NCK2: variants seen among roughly 807,000 people sequenced by gnomAD.
The protein encoded by NCK2 is cytoplasmic protein NCK2.
NCK2 carries 16 observed loss-of-function variants against 33.9 expected under a neutral mutation model. The observed-to-expected ratio is 0.47, with a 90% CI of 0.32 to 0.72. The LOEUF is 0.72. Among genes scored for constraint, NCK2 ranks in the 30% least tolerant of loss-of-function variants. The pLI is 0.03. For missense variants in NCK2, 418 were observed against 537.3 expected (o/e 0.78, Z 2.19); for synonymous variants, 273 against 239.9 (o/e 1.14, Z -1.27).
intron 3 of NCK2, among the ~76,000 whole-genome samples, chr2:105,877,051 G>A (rs1558882624): frequency 6.6e-6 from 1 of 152,162 alleles, no homozygotes; most frequent in Non-Finnish European, 1.5e-5. Flanking sequence ...CCAGGCAAGA[G>A]GAGAAGGACA....
At chr2:105,891,382 T>C (rs935450461) in intron 4 of NCK2, among the ~76,000 whole-genome samples, 1 of 152,158 alleles carries the variant, frequency 6.6e-6, no homozygotes, top group African/African-American at 2.4e-5. Flanking sequence ...CACACACATG[T>C]ATCCAGGGCA....
chr2:105,762,258 C>G (rs968318849), intron 1 of NCK2, among the ~76,000 whole-genome samples: 1 of 152,104 alleles, frequency 6.6e-6, no homozygotes, highest in African/African-American at 2.4e-5. Flanking sequence ...GAGGCCTTGC[C>G]GAGGAAACAG....
intron 3 of NCK2, among the ~76,000 whole-genome samples, chr2:105,864,055 G>A (rs564245841): frequency 5.3e-5 from 8 of 152,246 alleles, no homozygotes; most frequent in African/African-American, 1.2e-4. Flanking sequence ...GAAGGCCATC[G>A]GCGAGCCAGC....
chr2:105,832,547 G>A lies in NCK2; in HGVS notation c.-17+15934G>A, dbSNP rs1045004559. ...ATCAAAATGGTTTTCTACATTTATC[G>A]AGATGATCATATGGTTTTTGTTCTT... is the stretch of plus-strand genomic sequence containing the variant. On this transcript the variant is annotated intron_variant, in intron 2 of 4. Coordinates refer to ENST00000233154, the MANE Select transcript of NCK2 (RefSeq NM_003581.5). Among the ~76,000 whole-genome samples the A allele has an allele frequency of 6.6e-5, 10 of 152,266 alleles. No homozygotes were observed. The South Asian group carries it at 8.3e-4, about 13-fold the overall frequency.
At chr2:105,866,855 T>C (rs1677785536) in intron 3 of NCK2, among the ~76,000 whole-genome samples, 2 of 152,202 alleles carry the variant, frequency 1.3e-5, no homozygotes, top group African/African-American at 4.8e-5. Flanking sequence ...TATATATGCT[T>C]CCTGGGTGTT....
At chr2:105,799,797 A>G (rs550165777) in intron 1 of NCK2, among the ~76,000 whole-genome samples, 16 of 152,274 alleles carry the variant, frequency 1.1e-4, no homozygotes, top group African/African-American at 3.6e-4. Flanking sequence ...TCAAGAAGCC[A>G]TTGGTCCTTA....
At chr2:105,744,863 G>GCTCGCCGCCGCC (rs1689208832), upstream of NCK2, 1 of 117,594 alleles carries the variant, frequency 8.5e-6, no homozygotes, top group Non-Finnish European at 1.8e-5. Flanking sequence ...GCCGGGGGAG[G>GCTCGCCGCCGCC]GTCGCCGCCG....
In NCK2 at chr2:105,880,358, A is replaced by G. The variant is rs1363986601; in HGVS notation, c.227-970A>G. ...TGCCTTCGATTGAAGGTATCAGCTA[A>G]GTTTTCCTAATGCACTCATCACAAT... is the stretch of plus-strand genomic sequence containing the variant. On this transcript the variant is annotated intron_variant, in intron 3 of 4. Coordinates refer to ENST00000233154, the MANE Select transcript of NCK2 (RefSeq NM_003581.5). Among the ~76,000 whole-genome samples the G allele has an allele frequency of 2.0e-5, 3 of 152,204 alleles. No homozygotes were observed. The East Asian group carries it at 5.8e-4, about 29-fold the overall frequency.
At chr2:105,892,888 G>C (rs1679047394) in intron 4 of NCK2, 94 bp from the exon 5 acceptor site, 4 of 1,023,804 alleles carry the variant, frequency 3.9e-6, no homozygotes, top group Admixed American at 2.3e-5. Context: ...TGAGCAATGG[G>C]TGGTTTGGAT....
chr2:105,829,799 A>G (rs996691954), intron 2 of NCK2, among the ~76,000 whole-genome samples: 1 of 152,050 alleles, frequency 6.6e-6, no homozygotes, highest in African/African-American at 2.4e-5. Context: ...TGCACCCCAT[A>G]GTTAAGGGAG....
At chr2:105,810,918 G>A (rs145456368) in intron 1 of NCK2, among the ~76,000 whole-genome samples, 7,320 of 152,244 alleles carry the variant, frequency 0.048, 240 homozygotes, top group African/African-American at 0.087. Context: ...GCTCACACCT[G>A]TAATCTCAGC....
chr2:105,888,409 G>A (rs1028927585), intron 4 of NCK2, among the ~76,000 whole-genome samples: 2 of 152,188 alleles, frequency 1.3e-5, no homozygotes, highest in Non-Finnish European at 2.9e-5. Context: ...GTTTGGAGAT[G>A]GAAAGTGTAG....
chr2:105,772,021 A>G (rs933508472), intron 1 of NCK2, among the ~76,000 whole-genome samples: 89 of 152,126 alleles, frequency 5.9e-4, no homozygotes, highest in African/African-American at 2.0e-3. Flanking sequence ...TTCAGCTCTG[A>G]GTCTTTGAGA....
intron 1 of NCK2, among the ~76,000 whole-genome samples, chr2:105,762,830 T>G (rs1326324448): frequency 1.4e-4 from 22 of 152,258 alleles, no homozygotes; most frequent in Admixed American, 1.4e-3. Context: ...GATTACTATG[T>G]CTCAAGTTTG....
rs556984955 is a variant in NCK2, at chr2:105,746,893, G to T, written c.-201+1755G>T. Among the ~76,000 whole-genome samples the T allele has an allele frequency of 2.0e-4, 31 of 152,314 alleles. 1 individual carries two copies. The highest frequency in any genetic ancestry group is 3.4e-3 in the Middle Eastern group (1 of 294). On this transcript the variant is annotated intron_variant, in intron 1 of 4. Coordinates refer to ENST00000233154, the MANE Select transcript of NCK2 (RefSeq NM_003581.5). Reference sequence around the variant, plus strand: ...TTTAGGCATAGGAAGCTGTGGAGGTGCCTGGCCCACTTCCTGTCCCGGAGG... The same window carrying T: ...TTTAGGCATAGGAAGCTGTGGAGGTTCCTGGCCCACTTCCTGTCCCGGAGG...
rs953006915 is a variant in NCK2, at chr2:105,779,357, C to T, written c.-201+34219C>T. Among the ~76,000 whole-genome samples the T allele has an allele frequency of 2.7e-5, 4 of 150,880 alleles. No individual in the cohort carries two copies. In the South Asian group the frequency reaches 6.3e-4, roughly 24 times the overall value. ...TCATAAAATGTGTTTATTAAAATCA[C>T]TCCTGAAGAAAACAGAAAACACCTA... On this transcript the variant is annotated intron_variant, in intron 1 of 4. Coordinates refer to ENST00000233154, the MANE Select transcript of NCK2 (RefSeq NM_003581.5).
At chr2:105,811,566 A>G (rs1215653092) in intron 1 of NCK2, among the ~76,000 whole-genome samples, 1 of 152,206 alleles carries the variant, frequency 6.6e-6, no homozygotes, top group Non-Finnish European at 1.5e-5. Flanking sequence ...TTTAAGGAGC[A>G]TCTGAGTCCC....
intron 2 of NCK2, among the ~76,000 whole-genome samples, chr2:105,820,502 C>T (rs1376294684): frequency 1.3e-5 from 2 of 152,126 alleles, no homozygotes. Context: ...CCACGTGGTG[C>T]ATTTCCCTAC....
At chr2:105,838,609 A>T (rs879856541) in intron 2 of NCK2, among the ~76,000 whole-genome samples, 1 of 152,218 alleles carries the variant, frequency 6.6e-6, no homozygotes. Context: ...CAATGAATAT[A>T]TCAAGAAGTG....
Sources: allele counts gnomAD v4.1 joint callset (sites outside exome capture counted in the v4.1 genomes callset), GRCh38; gene constraint gnomAD v4.1.1; transcripts MANE v1.5; gene names NCBI Gene and HGNC (gene_info 2026-07-23, HGNC 2026-07-21).